PELI2: variants seen among roughly 807,000 people sequenced by gnomAD.
The protein encoded by PELI2 is E3 ubiquitin-protein ligase pellino homolog 2.
In PELI2, 23 loss-of-function variants were observed where a neutral mutation model predicts 42.3. The ratio of observed to expected loss-of-function variants is 0.54; its 90% CI spans 0.39 to 0.77. The LOEUF is 0.77. Among genes scored for constraint, PELI2 ranks in the 30% least tolerant of loss-of-function variants. The pLI, the probability that PELI2 is intolerant of heterozygous loss-of-function variation, is 0.00. For missense variants in PELI2, 463 were observed against 553.2 expected, an observed-to-expected ratio of 0.84 and a Z score of 1.64; for synonymous variants, 245 against 212.2, an observed-to-expected ratio of 1.15 and a Z score of -1.34.
At chr14:56,214,284 G>C (rs906119358) in intron 2 of PELI2, among the ~76,000 whole-genome samples, 1 of 152,132 alleles carries the variant, frequency 6.6e-6, no homozygotes, top group African/African-American at 2.4e-5. Flanking sequence ...GGGGAGAGAG[G>C]GTAGAGCCCC....
chr14:56,185,743 A>G (rs1425228577), intron 2 of PELI2, among the ~76,000 whole-genome samples: 2 of 151,892 alleles, frequency 1.3e-5, no homozygotes, highest in African/African-American at 2.4e-5. Context: ...TTTTTCTAGC[A>G]TATGTAGTTT....
intron 2 of PELI2, among the ~76,000 whole-genome samples, chr14:56,236,823 C>T (rs189159675): frequency 2.0e-4 from 31 of 152,252 alleles, no homozygotes; most frequent in African/African-American, 7.0e-4. Context: ...GAAGTGCTGG[C>T]TTGTGATTAT....
rs17762948 is a variant in PELI2, at chr14:56,267,740, A to T, written c.208-11936A>T. Among the ~76,000 whole-genome samples, 766 of 152,280 alleles carry T rather than the reference A, an allele frequency of 5.0e-3. 5 individuals are homozygous for T. Among genetic ancestry groups the T allele is most frequent in the Non-Finnish European group, 9.4e-3 (639 of 67,990 alleles). ...AAATTTTAAATTTAGGCCAAGTCTT[A>T]AAAAAATTCAAGTAAAATGAGGGAA... On this transcript the variant is annotated intron_variant, in intron 2 of 5. Transcript: ENST00000267460.
Position 56,288,483 on chromosome 14 carries a change from C to G in PELI2, c.356C>G (p.Thr119Arg), listed in dbSNP as rs772457009. 3 of 1,614,094 alleles carry G rather than the reference C, an allele frequency of 1.9e-6. No homozygotes were observed. Among genetic ancestry groups the G allele is most frequent in the Non-Finnish European group, 2.5e-6 (3 of 1,179,988 alleles). The change falls in exon 4 of 6, where the codon ACG becomes AGG. Residue 119 changes from threonine to arginine, a missense_variant. Physicochemically the swap from Thr to Arg is moderately conservative, Grantham distance 71 (BLOSUM62 -1). Transcript: ENST00000267460. This position sits in a 1 kb window ranked among gnomAD's most constrained non-coding sequence, Gnocchi z 4.6. ...ESPIDFVVTD[T>R]ISGSQNTDEA... is the part of the protein sequence containing the mutation. ...CCTATCGACTTCGTTGTCACAGACA[C>G]GATTTCTGGCAGCCAGAACACGGAC... is the stretch of plus-strand genomic sequence containing the variant.
In PELI2 at chr14:56,195,065, A is replaced by T. The variant is rs79557007; in HGVS notation, c.207+16601A>T. The stretch of plus-strand genomic sequence containing the variant: ...TGTAAACTAGATGCTCATTAATTTA[A>T]TGCTTTTCCTTGACACATGTTTTGT... On this transcript the variant is annotated intron_variant, in intron 2 of 5. Coordinates refer to ENST00000267460, the MANE Select transcript of PELI2 (RefSeq NM_021255.3). Among the ~76,000 whole-genome samples, 1,115 of 152,340 alleles carry T rather than the reference A, an allele frequency of 7.3e-3. 17 individuals are homozygous for T. The highest frequency in any genetic ancestry group is 0.025 in the African/African-American group (1,055 of 41,572).
chr14:56,279,481 T>G (rs1889402576), intron 2 of PELI2, among the ~76,000 whole-genome samples, 195 bp from the exon 3 acceptor site: 1 of 152,184 alleles, frequency 6.6e-6, no homozygotes, highest in East Asian at 1.9e-4. Flanking sequence ...AGACAGAATA[T>G]TTGATAAAAC....
chr14:56,270,171 G>A (rs977936948), intron 2 of PELI2, among the ~76,000 whole-genome samples: 2 of 152,186 alleles, frequency 1.3e-5, no homozygotes, highest in African/African-American at 2.4e-5. Flanking sequence ...CCAGGGCCGA[G>A]TTCAACGCTA....
At chr14:56,226,802 G>A (rs1256300429) in intron 2 of PELI2, among the ~76,000 whole-genome samples, 1 of 152,172 alleles carries the variant, frequency 6.6e-6, no homozygotes, top group East Asian at 1.9e-4. Context: ...AAATTCTGGA[G>A]TACCTTGACT....
intron 1 of PELI2, among the ~76,000 whole-genome samples, chr14:56,139,201 A>T (rs1436673299): frequency 6.6e-6 from 1 of 152,072 alleles, no homozygotes; most frequent in Non-Finnish European, 1.5e-5. Context: ...ATAGAACGGG[A>T]GGAAGGAAAG....
intron 2 of PELI2, among the ~76,000 whole-genome samples, chr14:56,190,969 G>A (rs1885931860): frequency 6.6e-6 from 1 of 152,362 alleles, no homozygotes; most frequent in Admixed American, 6.5e-5. Context: ...AAACAGTAAT[G>A]ATTTTACAGA....
intron 3 of PELI2, among the ~76,000 whole-genome samples, chr14:56,286,066 T>C (rs1889634994): frequency 2.0e-5 from 3 of 152,320 alleles, no homozygotes; most frequent in Middle Eastern, 3.4e-3. Context: ...GCATCAGTGA[T>C]GGGTTAAAAT....
chr14:56,135,536 A>T (rs1883655434), intron 1 of PELI2, among the ~76,000 whole-genome samples: 1 of 152,242 alleles, frequency 6.6e-6, no homozygotes, highest in African/African-American at 2.4e-5. Context: ...TCAGTTTATT[A>T]TTGAAGATCT....
chr14:56,133,647 A>G (rs1883576818), intron 1 of PELI2, among the ~76,000 whole-genome samples: 1 of 152,204 alleles, frequency 6.6e-6, no homozygotes, highest in Admixed American at 6.5e-5. Flanking sequence ...GCTTTGGCAC[A>G]TGCAACTCCC....
chr14:56,167,550 C>G (rs1885007788), intron 1 of PELI2, among the ~76,000 whole-genome samples: 1 of 152,202 alleles, frequency 6.6e-6, no homozygotes, highest in Admixed American at 6.5e-5. Flanking sequence ...TTAAATTTAT[C>G]TGGTAGAATT....
chr14:56,203,544 C>T (rs1157010393), intron 2 of PELI2, among the ~76,000 whole-genome samples: 1 of 151,894 alleles, frequency 6.6e-6, no homozygotes, highest in East Asian at 1.9e-4. Flanking sequence ...ATTAGGAAAA[C>T]ATTAATTTCT....
chr14:56,192,393 C>A (rs867772134), intron 2 of PELI2, among the ~76,000 whole-genome samples: 1 of 152,160 alleles, frequency 6.6e-6, no homozygotes, highest in South Asian at 2.1e-4. Flanking sequence ...AGTTTCTCAA[C>A]CTCAGCACCA....
intron 1 of PELI2, among the ~76,000 whole-genome samples, chr14:56,134,919 A>G (rs1883632552): frequency 6.6e-6 from 1 of 152,098 alleles, no homozygotes; most frequent in Non-Finnish European, 1.5e-5. Flanking sequence ...ATGAATATTC[A>G]TCTCCTTTCT....
intron 2 of PELI2, among the ~76,000 whole-genome samples, chr14:56,207,719 A>G (rs1886570520): frequency 1.3e-5 from 2 of 152,206 alleles, no homozygotes; most frequent in Admixed American, 1.3e-4. Context: ...AGCACCAGCT[A>G]AAGGCCAAAA....
At position 56,297,903 on chromosome 14, in the gene PELI2, C is replaced by T. The variant is rs745873559; in HGVS notation, c.*737C>T. On this transcript the variant is annotated 3_prime_UTR_variant, in exon 6 of 6. Transcript: ENST00000267460. ...CTGCCTAATATGATTTGCCCCGATA[C>T]TCATCTTGCACGGCCAGAACTGTTT... The T allele has an allele frequency of 2.6e-5, 4 of 152,034 alleles. No homozygotes were observed. Among genetic ancestry groups the T allele is most frequent in the Non-Finnish European group, 4.4e-5 (3 of 68,014 alleles). 9.4% of individuals were successfully genotyped at this position (152,034 alleles called of 1,614,324 possible). A position where few individuals can be genotyped will look rare whatever the true frequency, so the allele number is the denominator to read the frequency against.
Sources: gnomAD v4.1 joint callset for allele counts (sites outside exome capture counted in the v4.1 genomes callset) on GRCh38, gnomAD v4.1.1 for gene constraint, Gnocchi (gnomAD v3.1) non-coding constraint, MANE v1.5 for transcripts, NCBI Gene and HGNC (gene_info 2026-07-23, HGNC 2026-07-21) for gene names.